The following MCTP2 variants were observed in gnomAD, a reference collection of about 807,000 sequenced individuals.
MCTP2 encodes multiple C2 and transmembrane domain containing 2.
MCTP2 carries 132 observed loss-of-function variants against 111.6 expected under a neutral mutation model. The ratio of observed to expected loss-of-function variants is 1.18; its 90% CI spans 1.03 to 1.37. MCTP2 has a LOEUF of 1.37. MCTP2 is among the 40% of genes most tolerant of loss of function. The pLI is 0.00. For missense variants in MCTP2, 1,183 were observed against 1,067.9 expected (o/e 1.11, Z -1.50); for synonymous variants, 395 against 387.7 (o/e 1.02, Z -0.22).
intron 1 of MCTP2, among the ~76,000 whole-genome samples, chr15:94,262,556 T>G (rs1470199626): frequency 6.6e-6 from 1 of 152,234 alleles, no homozygotes; most frequent in Admixed American, 6.5e-5. Flanking sequence ...ATTTAAAATA[T>G]TGCTTCTCAA....
chr15:94,463,266 T>C (rs1263780045), intron 20 of MCTP2, among the ~76,000 whole-genome samples: 1 of 152,192 alleles, frequency 6.6e-6, no homozygotes, highest in Non-Finnish European at 1.5e-5. Context: ...CTTTAGATCG[T>C]CTTTAATTTA....
intron 1 of MCTP2, among the ~76,000 whole-genome samples, chr15:94,245,474 GTATA>G (rs1296317313): frequency 7.4e-6 from 1 of 135,464 alleles, no homozygotes; most frequent in African/African-American, 2.7e-5. Context: ...ATACATATAT[GTATA>G]TATACATACA....
chr15:94,279,365 T>G (rs577971247), intron 1 of MCTP2, among the ~76,000 whole-genome samples: 3 of 152,250 alleles, frequency 2.0e-5, no homozygotes, highest in Non-Finnish European at 4.4e-5. Context: ...GGTATTTTCT[T>G]CTTTTTGTGG....
chr15:94,432,396 C>T (rs1232809736), intron 17 of MCTP2, among the ~76,000 whole-genome samples: 1 of 152,122 alleles, frequency 6.6e-6, no homozygotes, highest in African/African-American at 2.4e-5. Flanking sequence ...ATTTAATGTA[C>T]TTATGTCATC....
chr15:94,403,294 C>T (rs2081701531), intron 17 of MCTP2: 1 of 968,988 alleles, frequency 1.0e-6, no homozygotes, highest in Non-Finnish European at 1.2e-6. Context: ...TTTGTTTATC[C>T]ACTTCCCTTT....
At chr15:94,371,575 A>G (rs2079487737) in intron 12 of MCTP2, among the ~76,000 whole-genome samples, 1 of 152,230 alleles carries the variant, frequency 6.6e-6, no homozygotes, top group Non-Finnish European at 1.5e-5. Context: ...AGCATTTAAA[A>G]AAATTCTTTC....
rs2077600493 is a variant in MCTP2, at chr15:94,340,867, G to C, written c.912G>C (p.Met304Ile). The change falls in exon 7 of 23, where the codon ATG becomes ATC. Residue 304 changes from methionine to isoleucine, a missense_variant. Physicochemically the swap from Met to Ile is conservative, Grantham distance 10 (BLOSUM62 1). Coordinates refer to ENST00000357742, the MANE Select transcript of MCTP2 (RefSeq NM_001385001.1). ...ATCCAAACAGTTTAGAAGATGACAT[G>C]GGAGTGATCGTGTTAAATTTGAACC... ...LEDPNSLEDD[M>I]GVIVLNLNLV... is the part of the protein sequence containing the mutation. 1 of 1,613,130 alleles carries C rather than the reference G, an allele frequency of 6.2e-7. No homozygotes were observed. Among genetic ancestry groups the C allele is most frequent in the Non-Finnish European group, 8.5e-7 (1 of 1,179,358 alleles).
chr15:94,475,596 G>A (rs1050126813), intron 21 of MCTP2, among the ~76,000 whole-genome samples: 1 of 152,164 alleles, frequency 6.6e-6, no homozygotes, highest in African/African-American at 2.4e-5. Flanking sequence ...CAGCGTCATT[G>A]GGACTGACAG....
chr15:94,325,266 C>G (rs7170630), intron 4 of MCTP2, among the ~76,000 whole-genome samples: 66,499 of 151,528 alleles, frequency 0.44, 14,995 homozygotes, highest in East Asian at 0.6. Flanking sequence ...TGGTGGTGGT[C>G]GTGGGGCGGG....
At chr15:94,402,062 G>C in intron 17 of MCTP2, 43 bp downstream of exon 17, 1 of 1,596,862 alleles carries the variant, frequency 6.3e-7, no homozygotes, top group South Asian at 1.1e-5. Context: ...CTTCTTATTT[G>C]CATCTATTCA....
At chr15:94,245,470 A>G (rs985686029) in intron 1 of MCTP2, among the ~76,000 whole-genome samples, 9 of 140,446 alleles carry the variant, frequency 6.4e-5, no homozygotes, top group South Asian at 4.4e-4. Context: ...TTATATACAT[A>G]TATGTATATA....
intron 20 of MCTP2, among the ~76,000 whole-genome samples, chr15:94,461,715 G>A (rs1596802606): frequency 6.6e-6 from 1 of 152,206 alleles, no homozygotes; most frequent in African/African-American, 2.4e-5. Context: ...GAACTGCCCT[G>A]GCTAGAAATG....
intron 7 of MCTP2, among the ~76,000 whole-genome samples, chr15:94,344,731 ACATCAACTAT>A (rs1287098254): frequency 6.6e-6 from 1 of 152,336 alleles, no homozygotes; most frequent in African/African-American, 2.4e-5. Flanking sequence ...GGAAACCTAA[ACATCAACTAT>A]CAGTGGTCAT....
intron 1 of MCTP2, among the ~76,000 whole-genome samples, chr15:94,257,776 G>A (rs1172960591): frequency 1.3e-5 from 2 of 150,966 alleles, no homozygotes; most frequent in African/African-American, 2.4e-5. Flanking sequence ...TAGTAGAGAC[G>A]GGGTTTTACC....
At chr15:94,455,068 C>G (rs554106785) in intron 19 of MCTP2, among the ~76,000 whole-genome samples, 1 of 152,212 alleles carries the variant, frequency 6.6e-6, no homozygotes, top group Admixed American at 6.5e-5. Flanking sequence ...GTGATCTGCC[C>G]GCCATGGCCT....
chr15:94,315,494 A>G (rs1321046806), intron 3 of MCTP2, 35 bp from the exon 4 acceptor site: 1 of 1,495,102 alleles, frequency 6.7e-7, no homozygotes, highest in Non-Finnish European at 9.3e-7. Context: ...TGGGCCCAAG[A>G]CATACTGTCT....
intron 1 of MCTP2, among the ~76,000 whole-genome samples, chr15:94,267,212 C>T (rs767651724): frequency 1.2e-4 from 19 of 152,138 alleles, no homozygotes; most frequent in Non-Finnish European, 2.2e-4. Flanking sequence ...TTTCCCTGTC[C>T]CTGTTGCAGT....
At chr15:94,423,885 C>CA (rs2082744858) in intron 17 of MCTP2, among the ~76,000 whole-genome samples, 2 of 152,164 alleles carry the variant, frequency 1.3e-5, no homozygotes, top group Admixed American at 1.3e-4. Context: ...CACATATATG[C>CA]AGTTTAAAGA....
At chr15:94,308,256 A>G (rs67956927) in intron 2 of MCTP2, among the ~76,000 whole-genome samples, 36,257 of 152,150 alleles carry the variant, frequency 0.24, 5,866 homozygotes, top group African/African-American at 0.44. Context: ...AAAGCTAGAA[A>G]GTAGCAGAGG....
Sources: allele counts gnomAD v4.1 joint callset (sites outside exome capture counted in the v4.1 genomes callset), GRCh38; gene constraint gnomAD v4.1.1; transcripts MANE v1.5; gene names NCBI Gene and HGNC (gene_info 2026-07-23, HGNC 2026-07-21).